Variants in HPS3 observed in about 807,000 individuals in gnomAD.
HPS3 encodes the protein HPS3 biogenesis of lysosomal organelles complex 2 subunit 1, also known as BLOC-2 complex member HPS3.
Under a neutral mutation model 110.9 loss-of-function variants are expected in HPS3, and 79 were observed. The observed-to-expected ratio is 0.71, with a 90% confidence interval of 0.59 to 0.86. The LOEUF (loss-of-function observed/expected upper bound fraction) is 0.86. HPS3 is among the 40% of genes least tolerant of loss of function. The pLI is 0.00. For missense variants in HPS3, 1,197 were observed against 1,206.2 expected (o/e 0.99, Z 0.11); for synonymous variants, 428 against 451.0 (o/e 0.95, Z 0.65).
Position 149,172,211 on chromosome 3 carries a change from C to T in HPS3, c.3004C>T (p.Pro1002Ser), listed in dbSNP as rs2108199229. ...TCTTCTCTATTGCAGTCGAAAGAAA[C>T]CATTGACTTAAAGGTATCATTTGAA... ...PYLLYCSRKK[P>S]LT Residue 1002 changes from proline (P) to serine (S), a missense_variant, in exon 17 of 17, where the codon CCA becomes TCA. Physicochemically the swap from Pro to Ser is moderately conservative, Grantham distance 74. Coordinates refer to ENST00000296051, the MANE Select transcript of HPS3 (RefSeq NM_032383.5). 6.2e-7 allele frequency: 1 copy of T among 1,612,406 alleles called. No individual in the cohort carries two copies. Among genetic ancestry groups the T allele is most frequent in the African/African-American group, 1.3e-5 (1 of 74,884 alleles).
intron 8 of HPS3, 88 bp from the exon 9 acceptor site, chr3:149,157,262 A>T: frequency 8.7e-7 from 1 of 1,150,740 alleles, no homozygotes; most frequent in Non-Finnish European, 1.3e-6. Flanking sequence ...TGTTAACTTT[A>T]CTAACAAAAT....
chr3:149,158,876 T>C (rs745537468), intron 10 of HPS3, 30 bp downstream of exon 10: 10 of 1,422,624 alleles, frequency 7.0e-6, no homozygotes, highest in Non-Finnish European at 9.9e-6. Context: ...TTCTATCTAA[T>C]ATTTTTAACA....
At position 149,173,567 on chromosome 3, in the gene HPS3, C is replaced by T. The variant is rs1725195816; in HGVS notation, c.*1345C>T. 8.9e-6 allele frequency: 5 copies of T among 560,626 alleles called. No homozygotes were observed. Among genetic ancestry groups the T allele is most frequent in the East Asian group, 3.2e-5 (1 of 31,154 alleles). The allele number at this position is 560,626 out of a possible 1,614,324, so 34.7% of individuals were successfully genotyped here. ...CATTTGCAAAAAATTAATAGTTTTCCCCCACAAATGTACAAAGTTGTATGC... is the reference window on the plus strand; with the variant it reads ...CATTTGCAAAAAATTAATAGTTTTCTCCCACAAATGTACAAAGTTGTATGC... On this transcript the variant is annotated 3_prime_UTR_variant, in exon 17 of 17. Coordinates refer to ENST00000296051, the MANE Select transcript of HPS3 (RefSeq NM_032383.5).
intron 14 of HPS3, among the ~76,000 whole-genome samples, chr3:149,166,586 A>T (rs927640416): frequency 6.6e-6 from 1 of 152,176 alleles, no homozygotes; most frequent in African/African-American, 2.4e-5. Flanking sequence ...ATGGCTGTGT[A>T]ATGTTCCATT....
Position 149,145,475 on chromosome 3 carries a change from G to T in HPS3, c.1092G>T (p.Met364Ile), listed in dbSNP as rs1432561980. The T allele has an allele frequency of 6.2e-7, 1 of 1,613,966 alleles. No individual in the cohort carries two copies. ...TGGTTGTCAAATCTGTTGAATTGAT[G>T]TCAGTCTACCAGTATCCTGAAAAGT... The part of the protein sequence containing the change: ...LYMVVKSVEL[M>I]SVYQYPEKSQ... The change falls in exon 5 of 17, where the codon ATG (methionine) becomes ATT (isoleucine). Residue 364 changes from methionine to isoleucine, a missense_variant. Met to Ile is a conservative substitution (Grantham distance 10). Transcript: ENST00000296051.
intron 5 of HPS3, among the ~76,000 whole-genome samples, chr3:149,147,213 A>G (rs1722829262): frequency 6.6e-6 from 1 of 152,218 alleles, no homozygotes; most frequent in South Asian, 2.1e-4. Flanking sequence ...TGTTTGGTTT[A>G]GACATTTGAG....
chr3:149,131,950 A>G (rs1292987021), intron 1 of HPS3, among the ~76,000 whole-genome samples: 2 of 152,256 alleles, frequency 1.3e-5, no homozygotes, highest in African/African-American at 4.8e-5. Context: ...TACTCCCTTA[A>G]GCCCAGGCTT....
At chr3:149,136,567 C>A (rs552262395) in intron 1 of HPS3, among the ~76,000 whole-genome samples, 1 of 152,128 alleles carries the variant, frequency 6.6e-6, no homozygotes, top group East Asian at 1.9e-4. Context: ...CTAATTTGTT[C>A]GTTGTGTTGC....
At chr3:149,156,549 G>A (rs1723467179) in intron 8 of HPS3, among the ~76,000 whole-genome samples, 2 of 148,868 alleles carry the variant, frequency 1.3e-5, no homozygotes, top group South Asian at 4.3e-4. Flanking sequence ...CTTTTTTTTT[G>A]AGAGTATTCC....
intron 6 of HPS3, among the ~76,000 whole-genome samples, chr3:149,151,153 G>A (rs1723080150): frequency 6.6e-6 from 1 of 151,598 alleles, no homozygotes; most frequent in African/African-American, 2.4e-5. Context: ...GACTACAGGT[G>A]TGCACCACCA....
chr3:149,149,456 A>G (rs976846444), intron 5 of HPS3, among the ~76,000 whole-genome samples: 19 of 152,132 alleles, frequency 1.2e-4, no homozygotes, highest in African/African-American at 4.6e-4. Flanking sequence ...TCAGGACTCC[A>G]GAGGTCATTT....
At chr3:149,168,843 CTGTT>C (rs1388067720) in intron 16 of HPS3, among the ~76,000 whole-genome samples, 3 of 152,124 alleles carry the variant, frequency 2.0e-5, no homozygotes, top group Non-Finnish European at 4.4e-5. Flanking sequence ...TTATCACTGA[CTGTT>C]TGTGTTAGTG....
intron 1 of HPS3, among the ~76,000 whole-genome samples, chr3:149,131,806 A>G (rs556344946): frequency 6.6e-6 from 1 of 152,332 alleles, no homozygotes; most frequent in Admixed American, 6.5e-5. Context: ...TGGACCAAAC[A>G]CTTAGCCAAG....
intron 16 of HPS3, among the ~76,000 whole-genome samples, chr3:149,169,536 G>A (rs567324549): frequency 1.3e-4 from 20 of 152,194 alleles, no homozygotes; most frequent in Admixed American, 2.6e-4. Flanking sequence ...GTAATTGTCC[G>A]TGTGCGTGGG....
intron 4 of HPS3, among the ~76,000 whole-genome samples, chr3:149,143,864 C>T (rs534191650): frequency 1.1e-4 from 16 of 152,188 alleles, no homozygotes; most frequent in African/African-American, 3.4e-4. Flanking sequence ...AGTCAGGGTA[C>T]TTGTTAAACA....
chr3:149,153,425 A>T, intron 6 of HPS3, 69 bp from the exon 7 acceptor site: 1 of 1,319,356 alleles, frequency 7.6e-7, no homozygotes. Context: ...AAATAAACTG[A>T]CTGATTTTTG....
chr3:149,129,753 C>T lies in HPS3; in HGVS notation c.30C>T (p.Phe10=). 1 of 1,605,944 alleles carries T rather than the reference C, an allele frequency of 6.2e-7. No individual in the cohort carries two copies. Among genetic ancestry groups the T allele is most frequent in the Non-Finnish European group, 8.5e-7 (1 of 1,178,294 alleles). Residue 10 remains phenylalanine, a synonymous_variant, in exon 1 of 17, where the codon TTC becomes TTT. Transcript: ENST00000296051. ...TGCAGCTGTACAACCTGCACCCGTT[C>T]GGGTCGCAGCAGGTGGTGCCCTGCA... MVQLYNLHP[F]GSQQVVPCKL...
At chr3:149,149,788 C>T (rs1334924656) in intron 5 of HPS3, among the ~76,000 whole-genome samples, 1 of 152,174 alleles carries the variant, frequency 6.6e-6, no homozygotes, top group Non-Finnish European at 1.5e-5. Context: ...GTAGCAATTT[C>T]TAAGTTAATT....
intron 13 of HPS3, among the ~76,000 whole-genome samples, chr3:149,163,176 G>T (rs1398677762): frequency 1.3e-5 from 2 of 152,174 alleles, no homozygotes; most frequent in East Asian, 3.8e-4. Context: ...CACCTCATCT[G>T]TCCTTCCTCA....
Sources: allele counts gnomAD v4.1 joint callset (sites outside exome capture counted in the v4.1 genomes callset), GRCh38; gene constraint gnomAD v4.1.1; transcripts MANE v1.5; gene names NCBI Gene and HGNC (gene_info 2026-07-23, HGNC 2026-07-21).